Variants in SNX8 observed in about 807,000 individuals in gnomAD.
SNX8 encodes the protein sorting nexin-8.
A neutral mutation model predicts 51.6 loss-of-function variants in SNX8; 25 were observed. The ratio of observed to expected loss-of-function variants is 0.48; its 90% CI spans 0.35 to 0.68. SNX8 has a LOEUF of 0.68. Ranked by LOEUF, SNX8 falls within the 30% of genes least tolerant of loss-of-function variation. SNX8 has a pLI of 0.00. For missense variants in SNX8, 695 were observed against 624.0 expected (o/e 1.11, Z -1.21); for synonymous variants, 324 against 277.0 (o/e 1.17, Z -1.68).
At chr7:2,286,193 G>A (rs1237025873) in intron 1 of SNX8, among the ~76,000 whole-genome samples, 1 of 150,728 alleles carries the variant, frequency 6.6e-6, no homozygotes, top group Admixed American at 6.6e-5. Context: ...TGTATTTTGG[G>A]TAGAGACGGG....
At chr7:2,349,532 C>A (rs950270148) in intron 1 of SNX8, among the ~76,000 whole-genome samples, 2 of 148,568 alleles carry the variant, frequency 1.3e-5, no homozygotes, top group Non-Finnish European at 3.0e-5. Context: ...TCTCTACCCC[C>A]ACCCCATGTT....
intron 1 of SNX8, among the ~76,000 whole-genome samples, chr7:2,313,848 A>G (rs1057017642): frequency 6.6e-6 from 1 of 152,214 alleles, no homozygotes. Context: ...AGGTCCCGAG[A>G]GGTGAAATTA....
In SNX8 at chr7:2,253,505, G is replaced by A. The variant is rs1267746815; in HGVS notation, c.*1551C>T. The A allele has an allele frequency of 2.0e-5, 3 of 152,298 alleles. No individual in the cohort carries two copies. Among genetic ancestry groups the A allele is most frequent in the African/African-American group, 7.2e-5 (3 of 41,456 alleles). 9.4% of individuals were successfully genotyped at this position (152,298 alleles called of 1,614,324 possible). A position where few individuals can be genotyped will look rare whatever the true frequency, so the allele number is the denominator to read the frequency against. ...GGCAGCGCAGCCCAAGACTCGGGTGGACTAGGGACTCACGGGACAGCCCAC... is the reference window on the plus strand; with the variant it reads ...GGCAGCGCAGCCCAAGACTCGGGTGAACTAGGGACTCACGGGACAGCCCAC... On this transcript the variant is annotated 3_prime_UTR_variant, in exon 11 of 11. Coordinates refer to ENST00000222990, the MANE Select transcript of SNX8 (RefSeq NM_013321.4).
At chr7:2,265,564 G>C (rs1795444206) in intron 5 of SNX8, among the ~76,000 whole-genome samples, 1 of 151,950 alleles carries the variant, frequency 6.6e-6, no homozygotes, top group African/African-American at 2.4e-5. Context: ...AGGATCACTT[G>C]AGCCCAGGAG....
intron 1 of SNX8, among the ~76,000 whole-genome samples, chr7:2,343,565 C>T (rs1040252193): frequency 1.3e-5 from 2 of 151,824 alleles, no homozygotes; most frequent in South Asian, 2.1e-4. Context: ...GTCCCAGCTG[C>T]TGGGGAGGCT....
chr7:2,256,875 T>C lies in SNX8; in HGVS notation c.1283A>G (p.Glu428Gly). The change falls in exon 10 of 11, where the codon GAG becomes GGG. Residue 428 changes from glutamate to glycine, a missense_variant and splice_region_variant. By Grantham distance (98) the Glu-to-Gly change is moderately conservative (BLOSUM62 -2). Transcript: ENST00000222990. The stretch of plus-strand genomic sequence containing the variant: ...GCGGCCGGAGCAGGGCGGACTCACC[T>C]CCTTGTGCCCTTGGATCTGAGAGTT... ...FVNSQIQGHKEMSKVWNDLRP... is the reference protein window; with the variant it reads ...FVNSQIQGHKGMSKVWNDLRP... 1.2e-6 allele frequency: 2 copies of C among 1,610,906 alleles called. No homozygotes were observed. Among genetic ancestry groups the C allele is most frequent in the Non-Finnish European group, 1.7e-6 (2 of 1,178,258 alleles).
chr7:2,263,184 T>C, intron 7 of SNX8, 46 bp downstream of exon 7: 2 of 1,606,888 alleles, frequency 1.2e-6, no homozygotes, highest in Non-Finnish European at 8.5e-7. Context: ...TGCAAAGGCA[T>C]AGCGTGTTCT....
Position 2,257,363 on chromosome 7 carries a change from A to T in SNX8, c.1134+2T>A. On this transcript the variant is annotated splice_donor_variant, in intron 9 of 10. Transcript: ENST00000222990. LOFTEE classifies it high-confidence loss of function. The stretch of plus-strand genomic sequence containing the variant: ...GGCCTGCTCGGCCGCCCCGCCACCC[A>T]CCTCCACAATGCGGGACTCCAGCTG... 1 of 1,604,340 alleles carries T rather than the reference A, an allele frequency of 6.2e-7. No homozygotes were observed. The highest frequency in any genetic ancestry group is 8.5e-7 in the Non-Finnish European group (1 of 1,178,844).
chr7:2,304,414 G>A (rs570918554), intron 1 of SNX8, among the ~76,000 whole-genome samples: 1 of 151,662 alleles, frequency 6.6e-6, no homozygotes, highest in South Asian at 2.1e-4. Flanking sequence ...CGTGGTGGCG[G>A]GCGCCTGTAG....
rs1052011301 is a variant in SNX8 at position 2,254,734 on chromosome 7, C to A, written c.*322G>T. The A allele has an allele frequency of 2.9e-5, 11 of 383,208 alleles. No individual in the cohort carries two copies. Among genetic ancestry groups the A allele is most frequent in the African/African-American group, 2.1e-4 (10 of 47,590 alleles). 23.7% of individuals were successfully genotyped at this position (383,208 alleles called of 1,614,324 possible). On this transcript the variant is annotated 3_prime_UTR_variant, in exon 11 of 11. Coordinates refer to ENST00000222990, the MANE Select transcript of SNX8 (RefSeq NM_013321.4). ...AGCACCTGGAGGCCCTGCCTCCACG[C>A]TCCCCCAGGCACAATCTCTGTGAGA... is the stretch of plus-strand genomic sequence containing the variant.
intron 1 of SNX8, among the ~76,000 whole-genome samples, chr7:2,297,253 A>C (rs1796292302): frequency 6.6e-6 from 1 of 151,516 alleles, no homozygotes; most frequent in Non-Finnish European, 1.5e-5. Flanking sequence ...GAAAAGAAAT[A>C]ATTACATCAA....
intron 1 of SNX8, among the ~76,000 whole-genome samples, chr7:2,312,598 G>A (rs1204261458): frequency 1.3e-5 from 2 of 151,800 alleles, no homozygotes; most frequent in African/African-American, 2.4e-5. Flanking sequence ...TCTTCACATC[G>A]AGGATGCCCA....
At chr7:2,339,383 T>C (rs1778883507) in intron 1 of SNX8, among the ~76,000 whole-genome samples, 1 of 151,856 alleles carries the variant, frequency 6.6e-6, no homozygotes, top group African/African-American at 2.4e-5. Context: ...TTTTTTTTTT[T>C]TAATTTTAGT....
intron 1 of SNX8, among the ~76,000 whole-genome samples, chr7:2,303,942 G>A (rs1229974954): frequency 2.1e-5 from 3 of 144,444 alleles, no homozygotes; most frequent in Middle Eastern, 3.3e-3. Flanking sequence ...ACACAAGAAT[G>A]ATCAATTAAA....
chr7:2,255,926 C>T (rs1342036135), intron 10 of SNX8, among the ~76,000 whole-genome samples: 1 of 152,204 alleles, frequency 6.6e-6, no homozygotes, highest in African/African-American at 2.4e-5. Flanking sequence ...AGGGCGCACC[C>T]TGGGGGCCTG....
At chr7:2,300,692 G>T (rs1057361018) in intron 1 of SNX8, among the ~76,000 whole-genome samples, 1 of 151,842 alleles carries the variant, frequency 6.6e-6, no homozygotes, top group Non-Finnish European at 1.5e-5. Context: ...ACCCAGGCTG[G>T]AGTGCAGTGG....
At chr7:2,279,355 C>T (rs762154305) in intron 1 of SNX8, among the ~76,000 whole-genome samples, 4 of 151,212 alleles carry the variant, frequency 2.6e-5, no homozygotes, top group Non-Finnish European at 5.9e-5. Flanking sequence ...ACGGAGTCGA[C>T]GCTGGACTCA....
intron 1 of SNX8, among the ~76,000 whole-genome samples, chr7:2,279,400 G>A (rs1017428408): frequency 6.6e-6 from 1 of 151,968 alleles, no homozygotes; most frequent in Admixed American, 6.6e-5. Context: ...CGGAGTCAAC[G>A]CTGGACCCAC....
intron 1 of SNX8, among the ~76,000 whole-genome samples, chr7:2,286,817 A>G (rs898752269): frequency 6.6e-6 from 1 of 152,004 alleles, no homozygotes; most frequent in African/African-American, 2.4e-5. Context: ...CAACCAGCCT[A>G]AATTTTTTAT....
Sources: gnomAD v4.1 joint callset for allele counts (sites outside exome capture counted in the v4.1 genomes callset) on GRCh38, gnomAD v4.1.1 for gene constraint, MANE v1.5 for transcripts, NCBI Gene and HGNC (gene_info 2026-07-23, HGNC 2026-07-21) for gene names.